The following EIF3L variants were observed in gnomAD, a reference collection of about 807,000 sequenced individuals.
The protein encoded by EIF3L is eukaryotic translation initiation factor 3 subunit L.
In EIF3L, 32 loss-of-function variants were observed where a neutral mutation model predicts 74.6. The observed-to-expected ratio is 0.43, with a 90% confidence interval of 0.32 to 0.58. The LOEUF is 0.58. Ranked by LOEUF, EIF3L falls within the 20% of genes least tolerant of loss-of-function variation. The pLI is 0.06. For missense variants in EIF3L, 474 were observed against 707.8 expected, an observed-to-expected ratio of 0.67 and a Z score of 3.75; for synonymous variants, 256 against 254.4, an observed-to-expected ratio of 1.01 and a Z score of -0.06.
intron 6 of EIF3L, 40 bp downstream of exon 6, chr22:37,863,078 G>A: frequency 6.8e-7 from 1 of 1,469,416 alleles, no homozygotes; most frequent in South Asian, 1.2e-5. Context: ...GTGTGGTTAT[G>A]ATGAGGTTCA....
At chr22:37,858,778 G>GT (rs1925682924) in intron 5 of EIF3L, 38 bp downstream of exon 5, 3 of 1,559,748 alleles carry the variant, frequency 1.9e-6, no homozygotes, top group African/African-American at 1.4e-5. Flanking sequence ...TTTTGTTTTT[G>GT]TTTTTTTAAC....
In EIF3L at chr22:37,849,427, C is replaced by T. The variant is rs549064285; in HGVS notation, c.-23C>T. ...GGGCCGCTCATTTCGCTCTTTCCGG[C>T]GGTGCTCGCAAGCGAGGCAGCCATG... is the stretch of plus-strand genomic sequence containing the variant. On this transcript the variant is annotated 5_prime_UTR_variant, in exon 1 of 13. Transcript: ENST00000652021. The T allele has an allele frequency of 8.7e-6, 14 of 1,613,892 alleles. No individual in the cohort carries two copies. The highest frequency in any genetic ancestry group is 4.5e-5 in the East Asian group (2 of 44,822).
intron 4 of EIF3L, 93 bp from the exon 5 acceptor site, chr22:37,858,586 G>C (rs1925668393): frequency 4.4e-6 from 5 of 1,143,710 alleles, no homozygotes; most frequent in South Asian, 4.1e-5. Context: ...TTAGTCTTCA[G>C]AATTACCTTT....
At chr22:37,873,464 A>AT (rs1160859870) in intron 8 of EIF3L, among the ~76,000 whole-genome samples, 7 of 151,534 alleles carry the variant, frequency 4.6e-5, no homozygotes, top group African/African-American at 1.5e-4. Context: ...TGCCCGGCTA[A>AT]TTTTTTGTAT....
Position 37,868,110 on chromosome 22 carries a change from A to AT in EIF3L, c.580-2044dup, listed in dbSNP as rs545183532. 9.6e-3 allele frequency among the ~76,000 whole-genome samples: 891 copies of AT among 92,654 alleles called. 28 individuals carry two copies. The highest frequency in any genetic ancestry group is 0.02 in the African/African-American group (434 of 22,124). The allele number at this position is 92,654 out of a possible 152,430, so 60.8% of individuals were successfully genotyped here. A position where few individuals can be genotyped will look rare whatever the true frequency, so the allele number is the denominator to read the frequency against. On this transcript the variant is annotated intron_variant, in intron 7 of 12. Coordinates refer to ENST00000652021, the MANE Select transcript of EIF3L (RefSeq NM_016091.4). ...TTGCATTACGAGAATTCTTTGTAGG[A>AT]TTTTTTTTTTTTTTTTTTTTTTGAG...
chr22:37,851,258 A>G (rs202247266), intron 2 of EIF3L, 22 bp from the exon 3 acceptor site: 141 of 1,608,968 alleles, frequency 8.8e-5, no homozygotes, highest in Non-Finnish European at 1.1e-4. Context: ...CATACTCTGT[A>G]TTTGTTGTAT....
Position 37,886,963 on chromosome 22 carries a change from C to CGA in EIF3L, c.1656+118_1656+119insGA, listed in dbSNP as rs756181384. 3 of 763,950 alleles carry CGA rather than the reference C, an allele frequency of 3.9e-6. No homozygotes were observed. The South Asian group carries it at 4.7e-5, about 12-fold the overall frequency. 47.3% of individuals were successfully genotyped at this position (763,950 alleles called of 1,614,324 possible). On this transcript the variant is annotated intron_variant, in intron 12 of 12. Transcript: ENST00000652021. The stretch of plus-strand genomic sequence containing the variant: ...ATTTATTTTGAGATGGAGTCTTGTG[C>CGA]TGTCACCCATGCTGGAGTGCAGCGA...
intron 12 of EIF3L, chr22:37,888,072 G>T (rs112463069): frequency 7.4e-5 from 16 of 216,902 alleles, no homozygotes; most frequent in African/African-American, 3.4e-4. Context: ...CAGGGTGGTG[G>T]GCTAGGGCTG....
intron 7 of EIF3L, 152 bp from the exon 8 acceptor site, chr22:37,870,023 CA>C: frequency 1.8e-6 from 1 of 540,760 alleles, no homozygotes; most frequent in South Asian, 3.3e-5. Context: ...CTTTGAAAAA[CA>C]GTGTACGGAA....
At chr22:37,871,590 G>T (rs1201621074) in intron 8 of EIF3L, among the ~76,000 whole-genome samples, 1 of 152,152 alleles carries the variant, frequency 6.6e-6, no homozygotes, top group East Asian at 1.9e-4. Flanking sequence ...CATTAGGGCC[G>T]GGTGCCATGG....
rs137935969 is a variant in EIF3L at position 37,858,961 on chromosome 22, T to TCC, written c.435+224_435+225dup. ...CTATGCATTCTTTTAAATTTCTCTG[T>TCC]CCCCACAATTCTCCTGGACTGGGCA... On this transcript the variant is annotated intron_variant, in intron 5 of 12. Coordinates refer to ENST00000652021, the MANE Select transcript of EIF3L (RefSeq NM_016091.4). 9.8e-3 allele frequency among the ~76,000 whole-genome samples: 1,484 copies of TCC among 151,972 alleles called. 42 individuals carry two copies. The highest frequency in any genetic ancestry group is 0.056 in the Admixed American group (849 of 15,180).
In EIF3L at chr22:37,849,581, A is replaced by G. The variant is rs1054702680; in HGVS notation, c.33+99A>G. ...GCGAGGCAGCTTCCGGGTCGCGGCC[A>G]GCTCCGGCCGACCTCCCGCCCGGCC... On this transcript the variant is annotated intron_variant, in intron 1 of 12. Transcript: ENST00000652021. The G allele has an allele frequency of 7.9e-6, 11 of 1,397,010 alleles. No individual in the cohort carries two copies. The African/African-American group carries it at 1.6e-4, about 20-fold the overall frequency. 86.5% of individuals were successfully genotyped at this position (1,397,010 alleles called of 1,614,324 possible).
intron 5 of EIF3L, among the ~76,000 whole-genome samples, chr22:37,861,771 T>C (rs777863590): frequency 3.3e-5 from 5 of 152,196 alleles, no homozygotes; most frequent in South Asian, 2.1e-4. Flanking sequence ...AGCCATTATG[T>C]GTACACTGCT....
At chr22:37,872,276 C>T (rs6000918) in intron 8 of EIF3L, among the ~76,000 whole-genome samples, 7,455 of 152,156 alleles carry the variant, frequency 0.049, 587 homozygotes, top group African/African-American at 0.17. Context: ...AGGCACACGC[C>T]ACCACGCCGG....
At chr22:37,863,529 G>A (rs1215096011) in intron 7 of EIF3L, among the ~76,000 whole-genome samples, 184 bp downstream of exon 7, 1 of 152,172 alleles carries the variant, frequency 6.6e-6, no homozygotes, top group Non-Finnish European at 1.5e-5. Context: ...AAGCACTCCA[G>A]ATAGGAAGCT....
At position 37,875,949 on chromosome 22, in the gene EIF3L, A is replaced by T. The variant is rs1926723470; in HGVS notation, c.1015A>T (p.Ile339Phe). The T allele has an allele frequency of 1.2e-6, 2 of 1,614,114 alleles. No individual in the cohort carries two copies. Among genetic ancestry groups the T allele is most frequent in the Non-Finnish European group, 1.7e-6 (2 of 1,180,020 alleles). Residue 339 changes from isoleucine (I) to phenylalanine (F), a missense_variant, in exon 10 of 13, where the codon ATC becomes TTC. Ile to Phe is a conservative substitution (Grantham distance 21, BLOSUM62 0). This residue lies in a region of EIF3L where 293 missense variants were observed against 469.1 expected (regional missense o/e 0.62). Transcript: ENST00000652021. ...GGATGCCATCCGGGTCTTCGCCAACATCCTCCTCTACATCCAGAGGACCAA... is the reference window on the plus strand; with the variant it reads ...GGATGCCATCCGGGTCTTCGCCAACTTCCTCCTCTACATCCAGAGGACCAA... ...YQDAIRVFAN[I>F]LLYIQRTKSM... is the part of the protein sequence containing the mutation.
intron 8 of EIF3L, among the ~76,000 whole-genome samples, chr22:37,870,626 T>C (rs1010190159): frequency 3.3e-5 from 5 of 152,212 alleles, no homozygotes; most frequent in African/African-American, 9.6e-5. Context: ...GATAAGCACT[T>C]CTCACACGTG....
chr22:37,874,279 A>G, intron 8 of EIF3L, 91 bp from the exon 9 acceptor site: 1 of 1,350,242 alleles, frequency 7.4e-7, no homozygotes, highest in Non-Finnish European at 1.0e-6. Flanking sequence ...GGCTGGCAGT[A>G]GGTGAGATGC....
intron 10 of EIF3L, chr22:37,876,620 A>G (rs1926766601): frequency 6.6e-6 from 1 of 152,242 alleles, no homozygotes; most frequent in African/African-American, 2.4e-5. Context: ...TTTAATGGCT[A>G]GCATACTCTT....
Sources: gnomAD v4.1 joint callset for allele counts (sites outside exome capture counted in the v4.1 genomes callset) on GRCh38, gnomAD v4.1.1 for gene constraint, gnomAD v4.1.1 regional missense constraint, MANE v1.5 for transcripts, NCBI Gene and HGNC (gene_info 2026-07-23, HGNC 2026-07-21) for gene names.